SDK1: variants seen among roughly 807,000 people sequenced by gnomAD.
The protein encoded by SDK1 is sidekick cell adhesion molecule 1.
SDK1 carries 157 observed loss-of-function variants against 245.5 expected under a neutral mutation model. That is an observed-to-expected ratio of 0.64 (90% CI 0.56 to 0.73). SDK1 has a LOEUF of 0.73. SDK1 is among the 30% of genes least tolerant of loss of function. The probability of loss-of-function intolerance (pLI) is 0.00; values close to 1 mark genes in which losing one functional copy is unlikely to be tolerated. For missense variants in SDK1, 3,583 were observed against 3,002.3 expected (o/e 1.19, Z -4.52); for synonymous variants, 1,647 against 1,278.5 (o/e 1.29, Z -6.15).
intron 4 of SDK1, among the ~76,000 whole-genome samples, chr7:3,713,174 A>T (rs767174707): frequency 1.3e-5 from 2 of 152,192 alleles, no homozygotes; most frequent in Admixed American, 6.5e-5. Flanking sequence ...ACTTCCTTCA[A>T]AGCTGAGTCC....
intron 1 of SDK1, among the ~76,000 whole-genome samples, chr7:3,604,484 A>G (rs1217023165): frequency 2.0e-5 from 3 of 150,772 alleles, no homozygotes; most frequent in East Asian, 3.9e-4. Context: ...TCCTCTCAAC[A>G]CTTCTTTAGC....
intron 13 of SDK1, among the ~76,000 whole-genome samples, chr7:3,979,723 T>C (rs939308697): frequency 3.3e-5 from 5 of 152,346 alleles, no homozygotes; most frequent in Admixed American, 2.0e-4. Flanking sequence ...GTCTTTGCTC[T>C]AGTTTTCTAG....
intron 33 of SDK1, among the ~76,000 whole-genome samples, chr7:4,175,485 C>G (rs1782141322): frequency 6.6e-6 from 1 of 152,246 alleles, no homozygotes; most frequent in African/African-American, 2.4e-5. Context: ...CCACTCAGTG[C>G]TAAGTTGTGC....
chr7:3,847,582 T>C (rs1005319771), intron 5 of SDK1, among the ~76,000 whole-genome samples: 12 of 152,198 alleles, frequency 7.9e-5, no homozygotes, highest in Non-Finnish European at 1.5e-4. Context: ...CGCTGGTCTT[T>C]GTTGACGCTG....
In SDK1 at chr7:4,125,877, C is replaced by T. The variant is rs531193271; in HGVS notation, c.3824-1504C>T. Among the ~76,000 whole-genome samples, 11 of 152,330 alleles carry T rather than the reference C, an allele frequency of 7.2e-5. No homozygotes were observed. The East Asian group carries it at 2.1e-3, about 29-fold the overall frequency. On this transcript the variant is annotated intron_variant, in intron 25 of 44. Coordinates refer to ENST00000404826, the MANE Select transcript of SDK1 (RefSeq NM_152744.4). Reference sequence around the variant, plus strand: ...AAGGTAGGCCAGGCTTAGCCTTTCACAAGTGGGACAACTGAGGCACAGGTG... The same window carrying T: ...AAGGTAGGCCAGGCTTAGCCTTTCATAAGTGGGACAACTGAGGCACAGGTG...
At chr7:4,212,355 A>T (rs1400279982) in intron 38 of SDK1, among the ~76,000 whole-genome samples, 1 of 152,228 alleles carries the variant, frequency 6.6e-6, no homozygotes, top group Admixed American at 6.5e-5. Context: ...ACCAGAGCCC[A>T]ATACTTTTGT....
At chr7:4,012,868 C>A (rs1786102671) in intron 16 of SDK1, among the ~76,000 whole-genome samples, 2 of 152,122 alleles carry the variant, frequency 1.3e-5, no homozygotes, top group African/African-American at 4.8e-5. Context: ...TGAGGCACTG[C>A]ACCTGGCCTC....
chr7:3,385,743 C>G (rs1247633801), intron 1 of SDK1, among the ~76,000 whole-genome samples: 1 of 152,070 alleles, frequency 6.6e-6, no homozygotes, highest in Non-Finnish European at 1.5e-5. Flanking sequence ...TTGCACATAT[C>G]ATTAGTGAGG....
intron 5 of SDK1, among the ~76,000 whole-genome samples, chr7:3,923,628 G>T (rs1289625771): frequency 6.6e-6 from 1 of 152,220 alleles, no homozygotes; most frequent in African/African-American, 2.4e-5. Context: ...AGTCCTCCAG[G>T]TTGGTGCCAT....
chr7:3,722,582 C>A (rs1039191215), intron 4 of SDK1, among the ~76,000 whole-genome samples: 1 of 152,182 alleles, frequency 6.6e-6, no homozygotes, highest in Non-Finnish European at 1.5e-5. Flanking sequence ...TAGGGATGCA[C>A]TGTGTGTACG....
chr7:3,314,505 C>T (rs1339717411), intron 1 of SDK1, among the ~76,000 whole-genome samples: 2 of 152,192 alleles, frequency 1.3e-5, no homozygotes, highest in Non-Finnish European at 2.9e-5. Context: ...TGAGATGGAG[C>T]AGCTCAGTGG....
intron 1 of SDK1, among the ~76,000 whole-genome samples, chr7:3,611,606 C>G (rs1388512772): frequency 6.6e-6 from 1 of 152,110 alleles, no homozygotes; most frequent in African/African-American, 2.4e-5. Flanking sequence ...ACTTTCAGTT[C>G]TTTAGGGAAT....
chr7:3,601,821 T>C (rs1781262485), intron 1 of SDK1, among the ~76,000 whole-genome samples: 6 of 122,346 alleles, frequency 4.9e-5, no homozygotes, highest in African/African-American at 1.3e-4. Context: ...ATGCTATCCC[T>C]CCCCCCTTCC....
At chr7:3,935,142 C>T (rs775997121) in intron 5 of SDK1, among the ~76,000 whole-genome samples, 43 of 152,290 alleles carry the variant, frequency 2.8e-4, no homozygotes, top group Non-Finnish European at 5.1e-4. Flanking sequence ...AGCCCTGGGC[C>T]TGTTGGTGAA....
At chr7:3,905,122 T>G in intron 5 of SDK1, among the ~76,000 whole-genome samples, 1 of 152,160 alleles carries the variant, frequency 6.6e-6, no homozygotes, top group East Asian at 1.9e-4. Flanking sequence ...AGCACCTTTT[T>G]TTTTTCCAAT....
intron 1 of SDK1, among the ~76,000 whole-genome samples, chr7:3,327,797 T>C (rs1016118559): frequency 1.3e-5 from 2 of 152,180 alleles, no homozygotes; most frequent in Admixed American, 6.6e-5. Flanking sequence ...TTGATTACGG[T>C]ATGCTTTTCC....
chr7:3,954,721 A>T (rs950354594), intron 7 of SDK1, among the ~76,000 whole-genome samples: 1 of 148,638 alleles, frequency 6.7e-6, no homozygotes, highest in Admixed American at 6.7e-5. Context: ...TGTTGGCCTC[A>T]GTTTCCACAT....
At chr7:3,512,037 A>G (rs1394474065) in intron 1 of SDK1, among the ~76,000 whole-genome samples, 1 of 151,440 alleles carries the variant, frequency 6.6e-6, no homozygotes, top group East Asian at 1.9e-4. Context: ...GGTGTGGGTG[A>G]ATTTATGAGG....
At chr7:4,126,834 A>T (rs1202834151) in intron 25 of SDK1, among the ~76,000 whole-genome samples, 1 of 152,226 alleles carries the variant, frequency 6.6e-6, no homozygotes, top group African/African-American at 2.4e-5. Context: ...TCTGATCGGT[A>T]GAAAAGGGGT....
Sources: gnomAD v4.1 joint callset for allele counts (sites outside exome capture counted in the v4.1 genomes callset) on GRCh38, gnomAD v4.1.1 for gene constraint, MANE v1.5 for transcripts, NCBI Gene and HGNC (gene_info 2026-07-23, HGNC 2026-07-21) for gene names.